CCDC102B: variants seen among roughly 807,000 people sequenced by gnomAD.
CCDC102B encodes the protein coiled-coil domain-containing protein 102B.
CCDC102B carries 75 observed loss-of-function variants against 57.4 expected under a neutral mutation model. That is an observed-to-expected ratio of 1.31 (90% confidence interval 1.08 to 1.58). CCDC102B has a LOEUF of 1.58. Among genes scored for constraint, CCDC102B ranks in the 40% most tolerant of loss-of-function variants. The pLI is 0.00. For synonymous variants in CCDC102B, 206 were observed against 201.9 expected (o/e 1.02, Z -0.17); for missense variants, 636 against 582.6 (o/e 1.09, Z -0.94).
At chr18:68,859,953 T>A (rs1350941409) in intron 4 of CCDC102B, among the ~76,000 whole-genome samples, 1 of 92,460 alleles carries the variant, frequency 1.1e-5, no homozygotes, top group Non-Finnish European at 2.6e-5. Flanking sequence ...CAATACTGGG[T>A]ATATACCCAA....
At chr18:68,963,330 A>T (rs905841879) in intron 6 of CCDC102B, among the ~76,000 whole-genome samples, 1 of 152,014 alleles carries the variant, frequency 6.6e-6, no homozygotes, top group Non-Finnish European at 1.5e-5. Flanking sequence ...ATGGATTGGA[A>T]GAAGGTTTTT....
At chr18:68,865,641 G>C (rs78776481) in intron 4 of CCDC102B, among the ~76,000 whole-genome samples, 1 of 152,042 alleles carries the variant, frequency 6.6e-6, no homozygotes, top group African/African-American at 2.4e-5. Context: ...GGGCATACTC[G>C]TCTCTTTTTC....
Position 68,954,190 on chromosome 18 carries a change from C to T in CCDC102B, c.1264-56744C>T, listed in dbSNP as rs150418587. Among the ~76,000 whole-genome samples, 951 of 152,136 alleles carry T rather than the reference C, an allele frequency of 6.3e-3. 9 individuals are homozygous for T. The highest frequency in any genetic ancestry group is 0.022 in the African/African-American group (905 of 41,512). On this transcript the variant is annotated intron_variant, in intron 6 of 7. Coordinates refer to ENST00000360242, the MANE Select transcript of CCDC102B (RefSeq NM_024781.3). ...ATCCTAGCACTTTGGGAGGCCAAGG[C>T]GGGCGGATCACCTGAGGTCAGGAGT...
rs544143464 is a variant in CCDC102B at position 69,034,066 on chromosome 18, G to GT, written c.1435-19957dup. Among the ~76,000 whole-genome samples the GT allele has an allele frequency of 3.6e-3, 551 of 151,800 alleles. 6 individuals carry two copies. The highest frequency in any genetic ancestry group is 0.013 in the African/African-American group (522 of 41,424). ...TTTGTCTTTTTATAATTTAGTTGTG[G>GT]TTTTTTTAATTACTATTATTTTGGA... is the stretch of plus-strand genomic sequence containing the variant. On this transcript the variant is annotated intron_variant, in intron 7 of 7. Coordinates refer to ENST00000360242, the MANE Select transcript of CCDC102B (RefSeq NM_024781.3).
intron 2 of CCDC102B, among the ~76,000 whole-genome samples, chr18:68,765,339 AAGAAAGAAAG>A (rs1568238899): frequency 4.6e-5 from 6 of 129,496 alleles, no homozygotes; most frequent in African/African-American, 1.1e-4. Context: ...GAAAGAAAGA[AAGAAAGAAAG>A]AAAGAAAGAA....
intron 2 of CCDC102B, among the ~76,000 whole-genome samples, chr18:68,741,509 A>T (rs1313472616): frequency 2.0e-5 from 3 of 152,184 alleles, no homozygotes; most frequent in African/African-American, 7.2e-5. Context: ...GAATGTGCTG[A>T]TGGGGATAGA....
intron 7 of CCDC102B, among the ~76,000 whole-genome samples, chr18:69,014,357 A>T (rs2051602118): frequency 1.3e-5 from 2 of 152,184 alleles, no homozygotes; most frequent in Non-Finnish European, 2.9e-5. Context: ...ATCTAATAAA[A>T]CTAGAAGGAC....
At chr18:68,944,794 G>C in intron 6 of CCDC102B, among the ~76,000 whole-genome samples, 1 of 152,180 alleles carries the variant, frequency 6.6e-6, no homozygotes, top group Non-Finnish European at 1.5e-5. Context: ...GCAGGTTCCA[G>C]CCTCATCTTA....
Position 68,837,311 on chromosome 18 carries a change from C to T in CCDC102B, c.548C>T (p.Ser183Phe). Residue 183 changes from serine to phenylalanine, a missense_variant, in exon 2 of 8, where the codon TCT (serine) becomes TTT (phenylalanine). Transcript: ENST00000360242. ...CAATTGAGTTCACAAATGCATGAGTCTATCAGAGAGTATTTGGTAAAAAGA... is the reference window on the plus strand; with the variant it reads ...CAATTGAGTTCACAAATGCATGAGTTTATCAGAGAGTATTTGGTAAAAAGA... ...QFQLSSQMHE[S>F]IREYLVKRQF... 1 of 1,613,408 alleles carries T rather than the reference C, an allele frequency of 6.2e-7. No homozygotes were observed. The highest frequency in any genetic ancestry group is 1.1e-5 in the South Asian group (1 of 90,972).
At chr18:68,724,860 T>C (rs2032519126) in intron 2 of CCDC102B, among the ~76,000 whole-genome samples, 1 of 152,232 alleles carries the variant, frequency 6.6e-6, no homozygotes, top group African/African-American at 2.4e-5. Context: ...CAGGTATCCT[T>C]ATAGCAGCAC....
At chr18:68,807,961 G>C (rs1371753952) in intron 1 of CCDC102B, among the ~76,000 whole-genome samples, 2 of 152,106 alleles carry the variant, frequency 1.3e-5, no homozygotes, top group African/African-American at 4.8e-5. Flanking sequence ...GAGCAGGGAT[G>C]AACGTTTCAC....
intron 2 of CCDC102B, among the ~76,000 whole-genome samples, chr18:68,769,095 AAC>A (rs1262719806): frequency 6.6e-6 from 1 of 151,998 alleles, no homozygotes; most frequent in Non-Finnish European, 1.5e-5. Flanking sequence ...CTCTACTAAA[AAC>A]ACAAAATTTG....
At chr18:68,725,021 C>A (rs1185623402) in intron 2 of CCDC102B, among the ~76,000 whole-genome samples, 2 of 152,152 alleles carry the variant, frequency 1.3e-5, no homozygotes, top group Non-Finnish European at 2.9e-5. Context: ...ACAATCATGG[C>A]GGAAGGCACC....
chr18:68,866,273 T>G (rs2038974614), intron 4 of CCDC102B, among the ~76,000 whole-genome samples: 2 of 152,186 alleles, frequency 1.3e-5, no homozygotes, highest in Admixed American at 1.3e-4. Context: ...ATACCCACAT[T>G]TTTATGGCAT....
At chr18:68,964,171 G>T (rs2050114382) in intron 6 of CCDC102B, among the ~76,000 whole-genome samples, 1 of 151,688 alleles carries the variant, frequency 6.6e-6, no homozygotes, top group Admixed American at 6.6e-5. Flanking sequence ...ATTTTATTTT[G>T]TGCTTTCTAT....
intron 6 of CCDC102B, among the ~76,000 whole-genome samples, chr18:68,936,605 T>G (rs1270315711): frequency 1.3e-5 from 2 of 151,950 alleles, no homozygotes; most frequent in Non-Finnish European, 2.9e-5. Context: ...ATGCTTCCTA[T>G]AAGCATGGTT....
rs57226048 is a variant in CCDC102B, at chr18:69,022,193, CTA to C, written c.1434+11118_1434+11119del. ...TTTATTAGACCCATTATCCTTTAGC[CTA>C]TATATATATATATATATATATATAT... On this transcript the variant is annotated intron_variant, in intron 7 of 7. Coordinates refer to ENST00000360242, the MANE Select transcript of CCDC102B (RefSeq NM_024781.3). Among the ~76,000 whole-genome samples, 377 of 142,048 alleles carry C rather than the reference CTA, an allele frequency of 2.7e-3. 4 individuals are homozygous for C. The highest frequency in any genetic ancestry group is 0.018 in the East Asian group (82 of 4,536). The allele number at this position is 142,048 out of a possible 152,430, so 93.2% of individuals were successfully genotyped here. A position where few individuals can be genotyped will look rare whatever the true frequency, so the allele number is the denominator to read the frequency against.
At chr18:69,002,418 T>C (rs892239074) in intron 6 of CCDC102B, among the ~76,000 whole-genome samples, 1 of 152,122 alleles carries the variant, frequency 6.6e-6, no homozygotes, top group Non-Finnish European at 1.5e-5. Context: ...ATTTCAACAC[T>C]AGGGGCTGTA....
chr18:69,005,635 A>G (rs1057128781), intron 6 of CCDC102B, among the ~76,000 whole-genome samples: 6 of 151,856 alleles, frequency 4.0e-5, no homozygotes, highest in Admixed American at 2.0e-4. Flanking sequence ...TCAGTAGTTG[A>G]TGTATCATAT....
Sources: allele counts gnomAD v4.1 joint callset (sites outside exome capture counted in the v4.1 genomes callset), GRCh38; gene constraint gnomAD v4.1.1; transcripts MANE v1.5; gene names NCBI Gene and HGNC (gene_info 2026-07-23, HGNC 2026-07-21).